The following RNF216 variants were observed in gnomAD, a reference collection of about 807,000 sequenced individuals.
RNF216 encodes ring finger protein 216, also known as E3 ubiquitin-protein ligase RNF216.
RNF216 carries 72 observed loss-of-function variants against 110.8 expected under a neutral mutation model. The ratio of observed to expected loss-of-function variants is 0.65; its 90% CI spans 0.54 to 0.79. RNF216 has a LOEUF of 0.79. RNF216 is among the 30% of genes least tolerant of loss of function. The pLI, the probability that RNF216 is intolerant of heterozygous loss-of-function variation, is 0.00. For synonymous variants in RNF216, 495 were observed against 407.5 expected (o/e 1.21, Z -2.59); for missense variants, 1,342 against 1,141.2 (o/e 1.18, Z -2.54).
intron 1 of RNF216, among the ~76,000 whole-genome samples, 197 bp downstream of exon 1, chr7:5,781,344 A>C (rs1002238674): frequency 1.3e-5 from 2 of 151,830 alleles, no homozygotes; most frequent in Non-Finnish European, 2.9e-5. Flanking sequence ...TCGCCACCGC[A>C]CCGGGCTCGA....
At chr7:5,682,103 G>A (rs75365330) in intron 13 of RNF216, among the ~76,000 whole-genome samples, 2,244 of 152,344 alleles carry the variant, frequency 0.015, 48 homozygotes, top group African/African-American at 0.051. Flanking sequence ...AGCAGACACA[G>A]GCACCTGAGG....
intron 1 of RNF216, among the ~76,000 whole-genome samples, chr7:5,776,714 G>C (rs142095512): frequency 4.6e-4 from 69 of 150,516 alleles, no homozygotes; most frequent in Admixed American, 9.3e-4. Context: ...TCCTTTAAAA[G>C]CACAGCAGCC....
intron 15 of RNF216, among the ~76,000 whole-genome samples, chr7:5,626,749 A>G (rs1786732753): frequency 6.6e-6 from 1 of 152,164 alleles, no homozygotes; most frequent in Admixed American, 6.5e-5. Context: ...CTCTTAGCTA[A>G]GTGAGCTCGG....
chr7:5,758,065 G>A (rs372771049), intron 2 of RNF216, among the ~76,000 whole-genome samples: 1 of 152,040 alleles, frequency 6.6e-6, no homozygotes, highest in African/African-American at 2.4e-5. Flanking sequence ...TCTCATGATG[G>A]GTGCAGAGTA....
chr7:5,779,879 G>A (rs1344448913), intron 1 of RNF216: 1 of 150,200 alleles, frequency 6.7e-6, no homozygotes, highest in African/African-American at 2.4e-5. Context: ...GTGGGGCAGA[G>A]AGGAGCTGAC....
intron 13 of RNF216, among the ~76,000 whole-genome samples, chr7:5,701,201 T>C (rs1791946248): frequency 6.6e-6 from 1 of 152,184 alleles, no homozygotes; most frequent in Non-Finnish European, 1.5e-5. Context: ...CTGTCATTTC[T>C]TATAGAATGT....
At chr7:5,629,306 A>C (rs889031478) in intron 15 of RNF216, among the ~76,000 whole-genome samples, 1 of 151,664 alleles carries the variant, frequency 6.6e-6, no homozygotes, top group Non-Finnish European at 1.5e-5. Context: ...GTGAGAACCC[A>C]GCTCTACAAA....
chr7:5,741,857 T>C lies in RNF216; in HGVS notation c.202-42A>G. The C allele has an allele frequency of 2.6e-6, 4 of 1,551,072 alleles. 1 individual carries two copies. Among genetic ancestry groups the C allele is most frequent in the South Asian group, 2.6e-5 (2 of 77,934 alleles). On this transcript the variant is annotated intron_variant, in intron 3 of 16. Coordinates refer to ENST00000389902, the MANE Select transcript of RNF216 (RefSeq NM_207111.4). ...TTTTAATAATTCAATTTCTTTCCTATGCCTATCCCTCCTTATGTACTTATA... is the reference window on the plus strand; with the variant it reads ...TTTTAATAATTCAATTTCTTTCCTACGCCTATCCCTCCTTATGTACTTATA...
chr7:5,647,638 C>T (rs1788136024), intron 14 of RNF216, among the ~76,000 whole-genome samples: 1 of 152,026 alleles, frequency 6.6e-6, no homozygotes, highest in Admixed American at 6.6e-5. Context: ...TTTTCCTATA[C>T]TTAATCTCTC....
rs1200589466 is a variant in RNF216, at chr7:5,759,658, G to C, written c.67+1345C>G. Among the ~76,000 whole-genome samples the C allele has an allele frequency of 8.2e-5, 8 of 97,506 alleles. No homozygotes were observed. The Admixed American group carries it at 1.1e-3, about 13-fold the overall frequency. The allele number at this position is 97,506 out of a possible 152,430, so 64.0% of individuals were successfully genotyped here. A position where few individuals can be genotyped will look rare whatever the true frequency, so the allele number is the denominator to read the frequency against. ...CTTTTTTTTTTTTTTTTGAGACGGA[G>C]TCTTGCCCTGTCGCCCAGGCTGGAG... On this transcript the variant is annotated intron_variant, in intron 2 of 16. Coordinates refer to ENST00000389902, the MANE Select transcript of RNF216 (RefSeq NM_207111.4).
intron 13 of RNF216, among the ~76,000 whole-genome samples, chr7:5,683,680 A>G (rs1056868992): frequency 6.6e-6 from 1 of 152,348 alleles, no homozygotes; most frequent in African/African-American, 2.4e-5. Context: ...GAATGAGGAC[A>G]ATGTCAGCAC....
At chr7:5,652,373 T>G in intron 14 of RNF216, 40 bp downstream of exon 14, 43 of 1,435,668 alleles carry the variant, frequency 3.0e-5, no homozygotes, top group Non-Finnish European at 3.8e-5. Context: ...ATGGGGAAGT[T>G]GAGAATCAGC....
intron 13 of RNF216, among the ~76,000 whole-genome samples, chr7:5,672,716 G>C (rs1789998109): frequency 1.3e-5 from 2 of 151,738 alleles, no homozygotes; most frequent in African/African-American, 4.9e-5. Flanking sequence ...GTCTGGAACA[G>C]AGAAGGCCAG....
intron 13 of RNF216, among the ~76,000 whole-genome samples, chr7:5,666,928 C>A (rs1258181469): frequency 1.3e-5 from 2 of 152,108 alleles, no homozygotes; most frequent in East Asian, 3.9e-4. Context: ...GATCCTGCCC[C>A]CTCAGTGCCC....
intron 3 of RNF216, among the ~76,000 whole-genome samples, chr7:5,744,089 C>T (rs1794909559): frequency 6.6e-6 from 1 of 152,270 alleles, no homozygotes; most frequent in Non-Finnish European, 1.5e-5. Context: ...GGGTTTCACA[C>T]AGTGAAATTA....
chr7:5,776,899 CA>C (rs754872404), intron 1 of RNF216, among the ~76,000 whole-genome samples: 11,923 of 82,770 alleles, frequency 0.14, 176 homozygotes, highest in Middle Eastern at 0.18. Context: ...AGACTCTGTC[CA>C]AAAAAAAAAA....
intron 15 of RNF216, among the ~76,000 whole-genome samples, chr7:5,631,440 G>A (rs1008087804): frequency 6.6e-6 from 1 of 152,206 alleles, no homozygotes; most frequent in African/African-American, 2.4e-5. Context: ...AGAGGCTGTA[G>A]TGCCTCCCTG....
At chr7:5,643,915 T>C (rs1479965592) in intron 14 of RNF216, among the ~76,000 whole-genome samples, 1 of 152,246 alleles carries the variant, frequency 6.6e-6, no homozygotes, top group Non-Finnish European at 1.5e-5. Flanking sequence ...AATGCCCATA[T>C]GCCTCTGATA....
chr7:5,675,484 T>TA (rs1210730913), intron 13 of RNF216, among the ~76,000 whole-genome samples: 3 of 148,192 alleles, frequency 2.0e-5, no homozygotes, highest in Non-Finnish European at 4.5e-5. Context: ...AAAAATAAAT[T>TA]TAAAAAAATT....
Sources: gnomAD v4.1 joint callset for allele counts (sites outside exome capture counted in the v4.1 genomes callset) on GRCh38, gnomAD v4.1.1 for gene constraint, MANE v1.5 for transcripts, NCBI Gene and HGNC (gene_info 2026-07-23, HGNC 2026-07-21) for gene names.